Variants in TENT5A observed in about 807,000 individuals in gnomAD.
TENT5A encodes HBV X-transactivated gene 11 protein.
TENT5A carries 9 observed loss-of-function variants against 30.2 expected under a neutral mutation model. The ratio of observed to expected loss-of-function variants is 0.30; its 90% CI spans 0.18 to 0.52. The LOEUF (loss-of-function observed/expected upper bound fraction) is 0.52, where lower values mean the gene tolerates loss of function less well. Ranked by LOEUF, TENT5A falls within the 20% of genes least tolerant of loss-of-function variation. The pLI is 0.97. For missense variants in TENT5A, 411 were observed against 566.1 expected, an observed-to-expected ratio of 0.73 and a Z score of 2.78; for synonymous variants, 264 against 234.2, an observed-to-expected ratio of 1.13 and a Z score of -1.16.
At position 81,748,392 on chromosome 6, in the gene TENT5A, A is replaced by C; in HGVS notation, c.*1303T>G. On this transcript the variant is annotated 3_prime_UTR_variant, in exon 3 of 3. Coordinates refer to ENST00000320172, the MANE Select transcript of TENT5A (RefSeq NM_017633.3). Reference sequence around the variant, plus strand: ...AATTTTATGGCTCACCAAAGAAAAAAAAAAAAAGAAAAAAAAATCCCACTA... The same window carrying C: ...AATTTTATGGCTCACCAAAGAAAAACAAAAAAAGAAAAAAAAATCCCACTA... 1 of 982,882 alleles carries C rather than the reference A, an allele frequency of 1.0e-6. No individual in the cohort carries two copies. Among genetic ancestry groups the C allele is most frequent in the Non-Finnish European group, 1.2e-6 (1 of 828,302 alleles). 60.9% of individuals were successfully genotyped at this position (982,882 alleles called of 1,614,324 possible).
At position 81,749,742 on chromosome 6, in the gene TENT5A, A is replaced by AT; in HGVS notation, c.1281dup (p.Phe428IlefsTer20). The AT allele has an allele frequency of 6.2e-7, 1 of 1,613,828 alleles. No individual in the cohort carries two copies. The highest frequency in any genetic ancestry group is 8.5e-7 in the Non-Finnish European group (1 of 1,179,970). ...GAGTAGGTCTGTTGCTGGCACGTGA[A>AT]TACTGGCTGAACCTGTGCAATGTAG... On this transcript the variant is annotated frameshift_variant, in exon 3 of 3. Coordinates refer to ENST00000320172, the MANE Select transcript of TENT5A (RefSeq NM_017633.3). LOFTEE classifies it high-confidence loss of function.
chr6:81,749,050 G>A lies in TENT5A; in HGVS notation c.*645C>T. 1 of 985,760 alleles carries A rather than the reference G, an allele frequency of 1.0e-6. No homozygotes were observed. The highest frequency in any genetic ancestry group is 1.2e-6 in the Non-Finnish European group (1 of 829,900). 61.1% of individuals were successfully genotyped at this position (985,760 alleles called of 1,614,324 possible). A position where few individuals can be genotyped will look rare whatever the true frequency, so the allele number is the denominator to read the frequency against. On this transcript the variant is annotated 3_prime_UTR_variant, in exon 3 of 3. Transcript: ENST00000320172. ...AAAAATGTGATCTATGCACGCAGCT[G>A]GAATTAATGGATTGTGTCATCATAA...
chr6:81,750,900 G>A lies in TENT5A; in HGVS notation c.553-429C>T, dbSNP rs1403739611. Among the ~76,000 whole-genome samples the A allele has an allele frequency of 2.0e-5, 3 of 152,214 alleles. No individual in the cohort carries two copies. The highest frequency in any genetic ancestry group is 2.0e-4 in the Admixed American group (3 of 15,274). ...GCCACCCAATTCCTCTCCGCCTGCG[G>A]CAATCAATGTTATCAGTATCTTGTG... is the stretch of plus-strand genomic sequence containing the variant. On this transcript the variant is annotated intron_variant, in intron 2 of 2. Coordinates refer to ENST00000320172, the MANE Select transcript of TENT5A (RefSeq NM_017633.3). The surrounding 1 kb of genome is among the most constrained non-coding windows in gnomAD (Gnocchi z 4.2).
chr6:81,749,682 T>TTTTAAATG lies in TENT5A; in HGVS notation c.*5_*12dup. ...CTGAAATGGCTTCCCCACAGGACAT[T>TTTTAAATG]TTTAAATGATTCTTAATTGCAGGGT... is the stretch of plus-strand genomic sequence containing the variant. On this transcript the variant is annotated 3_prime_UTR_variant, in exon 3 of 3. Coordinates refer to ENST00000320172, the MANE Select transcript of TENT5A (RefSeq NM_017633.3). 1.9e-6 allele frequency: 3 copies of TTTTAAATG among 1,605,848 alleles called. No individual in the cohort carries two copies. Among genetic ancestry groups the TTTTAAATG allele is most frequent in the Non-Finnish European group, 1.7e-6 (2 of 1,174,616 alleles).
chr6:81,750,956 T>C lies in TENT5A; in HGVS notation c.553-485A>G, dbSNP rs1314476012. On this transcript the variant is annotated intron_variant, in intron 2 of 2. Coordinates refer to ENST00000320172, the MANE Select transcript of TENT5A (RefSeq NM_017633.3). This position sits in a 1 kb window ranked among gnomAD's most constrained non-coding sequence, Gnocchi z 4.2. ...CTCCAGGGGCACCCTGCAGTTACAA[T>C]CAAATATAAACTAAATTATGACATT... 1.3e-5 allele frequency among the ~76,000 whole-genome samples: 2 copies of C among 152,200 alleles called. No individual in the cohort carries two copies. The highest frequency in any genetic ancestry group is 2.9e-5 in the Non-Finnish European group (2 of 68,042).
At position 81,752,079 on chromosome 6, in the gene TENT5A, G is replaced by C; in HGVS notation, c.63C>G (p.Ile21Met). The C allele has an allele frequency of 6.3e-7, 1 of 1,588,368 alleles. No homozygotes were observed. Among genetic ancestry groups the C allele is most frequent in the East Asian group, 2.3e-5 (1 of 43,304 alleles). ...CGCCGCCGAAGTCGCCGCCTAGGGGGATGTAGGGGCTGCAGGCCAGCTCGT... is the reference window on the plus strand; with the variant it reads ...CGCCGCCGAAGTCGCCGCCTAGGGGCATGTAGGGGCTGCAGGCCAGCTCGT... ...SEDELACSPY[I>M]PLGGDFGGGD... Residue 21 changes from isoleucine to methionine, a missense_variant, in exon 2 of 3, where the codon ATC (isoleucine) becomes ATG (methionine). By Grantham distance (10) the Ile-to-Met change is conservative (BLOSUM62 1). Around this residue, in one of 5 missense-constraint regions of TENT5A, gnomAD observed 34 missense variants for 29.3 expected, o/e 1.16. Transcript: ENST00000320172.
rs1046635 is a variant in TENT5A, at chr6:81,751,685, C to A, written c.457G>T (p.Glu153Ter). Residue 153 changes from glutamate (E) to a stop codon, truncating the protein, a stop_gained, in exon 2 of 3, where the codon GAG becomes TAG. Transcript: ENST00000320172. LOFTEE classifies it high-confidence loss of function. The stretch of plus-strand genomic sequence containing the variant: ...ACGACGTCCTTCACAGTCTGAAACT[C>A]CCCTTCCCCGCGCAGGTCGGCGCAG... Reference protein sequence around the residue: ...IFCADLRGEGEFQTVKDVVLD... With the variant: ...IFCADLRGEG 1 of 1,614,210 alleles carries A rather than the reference C, an allele frequency of 6.2e-7. No individual in the cohort carries two copies. The highest frequency in any genetic ancestry group is 8.5e-7 in the Non-Finnish European group (1 of 1,180,050).
In TENT5A at chr6:81,746,783, A is replaced by G. The variant is rs1768895367; in HGVS notation, c.*2912T>C. 8.3e-7 allele frequency: 1 copy of G among 1,209,632 alleles called. No individual in the cohort carries two copies. The highest frequency in any genetic ancestry group is 1.0e-6 in the Non-Finnish European group (1 of 974,298). 74.9% of individuals were successfully genotyped at this position (1,209,632 alleles called of 1,614,324 possible). On this transcript the variant is annotated 3_prime_UTR_variant, in exon 3 of 3. Coordinates refer to ENST00000320172, the MANE Select transcript of TENT5A (RefSeq NM_017633.3). The stretch of plus-strand genomic sequence containing the variant: ...CTGTTCTTTTCTCTGACCTATACAC[A>G]TGGCTCTCTCTCACCAGACATTCAA...
chr6:81,749,206 A>G lies in TENT5A; in HGVS notation c.*489T>C, dbSNP rs1768973522. 1.0e-6 allele frequency: 1 copy of G among 986,174 alleles called. No homozygotes were observed. Among genetic ancestry groups the G allele is most frequent in the African/African-American group, 1.7e-5 (1 of 57,260 alleles). The allele number at this position is 986,174 out of a possible 1,614,324, so 61.1% of individuals were successfully genotyped here. On this transcript the variant is annotated 3_prime_UTR_variant, in exon 3 of 3. Coordinates refer to ENST00000320172, the MANE Select transcript of TENT5A (RefSeq NM_017633.3). The stretch of plus-strand genomic sequence containing the variant: ...CCTCAGACAGTAATCCCAACGTTGG[A>G]GTTCCCCTTTTTCCTGTATTGTTAC...
chr6:81,749,272 T>C lies in TENT5A; in HGVS notation c.*423A>G, dbSNP rs1768975294. ...TCCTAAACTGATTCACAAGTTGGAGTGAGACCTTTTTTCCTCCGTATTTTC... is the reference window on the plus strand; with the variant it reads ...TCCTAAACTGATTCACAAGTTGGAGCGAGACCTTTTTTCCTCCGTATTTTC... On this transcript the variant is annotated 3_prime_UTR_variant, in exon 3 of 3. Transcript: ENST00000320172. 2 of 992,234 alleles carry C rather than the reference T, an allele frequency of 2.0e-6. No homozygotes were observed. Among genetic ancestry groups the C allele is most frequent in the South Asian group, 9.3e-5 (2 of 21,434 alleles). 61.5% of individuals were successfully genotyped at this position (992,234 alleles called of 1,614,324 possible).
chr6:81,751,457 T>C, intron 2 of TENT5A, 133 bp downstream of exon 2: 1 of 813,856 alleles, frequency 1.2e-6, no homozygotes, highest in Non-Finnish European at 1.9e-6. Context: ...AAATCAAAAA[T>C]CAAAGAAATA....
rs1338191229 is a variant in TENT5A at position 81,748,263 on chromosome 6, T to C, written c.*1432A>G. 3 of 984,908 alleles carry C rather than the reference T, an allele frequency of 3.0e-6. No individual in the cohort carries two copies. The highest frequency in any genetic ancestry group is 3.6e-6 in the Non-Finnish European group (3 of 829,620). The allele number at this position is 984,908 out of a possible 1,614,324, so 61.0% of individuals were successfully genotyped here. On this transcript the variant is annotated 3_prime_UTR_variant, in exon 3 of 3. Transcript: ENST00000320172. ...CCATGATCCACTAGATTAAACATCA[T>C]AGAGGAATGCAATTTTTTTTTTAAT... is the stretch of plus-strand genomic sequence containing the variant.
Position 81,748,606 on chromosome 6 carries a change from C to T in TENT5A, c.*1089G>A, listed in dbSNP as rs535085425. On this transcript the variant is annotated 3_prime_UTR_variant, in exon 3 of 3. Coordinates refer to ENST00000320172, the MANE Select transcript of TENT5A (RefSeq NM_017633.3). Reference sequence around the variant, plus strand: ...GACATTATTCTAGATCATAGTCAATCTACTGTGTATATATACATATAAAAT... The same window carrying T: ...GACATTATTCTAGATCATAGTCAATTTACTGTGTATATATACATATAAAAT... 460 of 956,298 alleles carry T rather than the reference C, an allele frequency of 4.8e-4. No individual in the cohort carries two copies. The highest frequency in any genetic ancestry group is 2.7e-3 in the South Asian group (56 of 20,670). The allele number at this position is 956,298 out of a possible 1,614,324, so 59.2% of individuals were successfully genotyped here. A position where few individuals can be genotyped will look rare whatever the true frequency, so the allele number is the denominator to read the frequency against.
rs551091596 is a variant in TENT5A, at chr6:81,748,259, A to T, written c.*1436T>A. 5 of 985,194 alleles carry T rather than the reference A, an allele frequency of 5.1e-6. No homozygotes were observed. In the South Asian group the frequency reaches 1.9e-4, roughly 37 times the overall value. 61.0% of individuals were successfully genotyped at this position (985,194 alleles called of 1,614,324 possible). A position where few individuals can be genotyped will look rare whatever the true frequency, so the allele number is the denominator to read the frequency against. Reference sequence around the variant, plus strand: ...TGATCCATGATCCACTAGATTAAACATCATAGAGGAATGCAATTTTTTTTT... The same window carrying T: ...TGATCCATGATCCACTAGATTAAACTTCATAGAGGAATGCAATTTTTTTTT... On this transcript the variant is annotated 3_prime_UTR_variant, in exon 3 of 3. Transcript: ENST00000320172.
Position 81,751,760 on chromosome 6 carries a change from C to A in TENT5A, c.382G>T (p.Val128Phe). 6.2e-7 allele frequency: 1 copy of A among 1,612,886 alleles called. No individual in the cohort carries two copies. The highest frequency in any genetic ancestry group is 8.5e-7 in the Non-Finnish European group (1 of 1,179,958). The change falls in exon 2 of 3, where the codon GTC becomes TTC. Residue 128 changes from valine (V) to phenylalanine (F), a missense_variant. Around this residue, in one of 5 missense-constraint regions of TENT5A, gnomAD observed 157 missense variants for 183.2 expected, o/e 0.86. Transcript: ENST00000320172. ...VRLNGSAASH[V>F]LHQDSGLGYK... ...CCCAGGCCGCTGTCCTGGTGCAGGA[C>A]ATGGCTGGCTGCCGAGCCGTTGAGG...
Position 81,749,808 on chromosome 6 carries a change from G to A in TENT5A, c.1216C>T (p.Gln406Ter). Residue 406 changes from glutamine (Q) to a stop codon, truncating the protein, a stop_gained, in exon 3 of 3, where the codon CAG becomes TAG. Coordinates refer to ENST00000320172, the MANE Select transcript of TENT5A (RefSeq NM_017633.3). LOFTEE classifies it high-confidence loss of function. ...PNVANVTCYY[Q>*]PAPYVADANF... is the part of the protein sequence containing the mutation. ...GCATCTGCTACATAGGGGGCTGGCT[G>A]GTAATAGCAAGTGACATTAGCCACA... 6.2e-7 allele frequency: 1 copy of A among 1,613,994 alleles called. No homozygotes were observed. The highest frequency in any genetic ancestry group is 8.5e-7 in the Non-Finnish European group (1 of 1,180,004).
chr6:81,747,526 TC>T lies in TENT5A; in HGVS notation c.*2168del, dbSNP rs926060500. On this transcript the variant is annotated 3_prime_UTR_variant, in exon 3 of 3. Coordinates refer to ENST00000320172, the MANE Select transcript of TENT5A (RefSeq NM_017633.3). ...TCAAAGAAAGATGCACAAAAGGTAG[TC>T]CAGACGGATTAACCTGGATTAACCT... 7.8e-5 allele frequency: 77 copies of T among 985,618 alleles called. No homozygotes were observed. In the African/African-American group the frequency reaches 1.2e-3, roughly 16 times the overall value. The allele number at this position is 985,618 out of a possible 1,614,324, so 61.1% of individuals were successfully genotyped here. A position where few individuals can be genotyped will look rare whatever the true frequency, so the allele number is the denominator to read the frequency against.
chr6:81,748,819 T>C lies in TENT5A; in HGVS notation c.*876A>G, dbSNP rs1236907281. ...TGAGGCAGTCCCTGATAAAATAAAA[T>C]AATCATTAAACCATAAAATAATTTT... On this transcript the variant is annotated 3_prime_UTR_variant, in exon 3 of 3. Transcript: ENST00000320172. The C allele has an allele frequency of 2.0e-6, 2 of 984,978 alleles. No homozygotes were observed. The highest frequency in any genetic ancestry group is 6.2e-5 in the Admixed American group (1 of 16,258). 61.0% of individuals were successfully genotyped at this position (984,978 alleles called of 1,614,324 possible).
At position 81,746,550 on chromosome 6, in the gene TENT5A, G is replaced by T; in HGVS notation, c.*3145C>A. 14 of 1,232,106 alleles carry T rather than the reference G, an allele frequency of 1.1e-5. No individual in the cohort carries two copies. The highest frequency in any genetic ancestry group is 1.3e-5 in the Non-Finnish European group (13 of 987,946). 76.3% of individuals were successfully genotyped at this position (1,232,106 alleles called of 1,614,324 possible). A position where few individuals can be genotyped will look rare whatever the true frequency, so the allele number is the denominator to read the frequency against. The stretch of plus-strand genomic sequence containing the variant: ...AAAGGAAATGTCCATCTTGGTGTAG[G>T]AGTTCTTGAGGCAGCTGGATTTACT... On this transcript the variant is annotated 3_prime_UTR_variant, in exon 3 of 3. Coordinates refer to ENST00000320172, the MANE Select transcript of TENT5A (RefSeq NM_017633.3).
Sources: gnomAD v4.1 joint callset for allele counts (sites outside exome capture counted in the v4.1 genomes callset) on GRCh38, gnomAD v4.1.1 for gene constraint, gnomAD v4.1.1 regional missense constraint, Gnocchi (gnomAD v3.1) non-coding constraint, MANE v1.5 for transcripts, NCBI Gene and HGNC (gene_info 2026-07-23, HGNC 2026-07-21) for gene names.